The following GPM6A variants were observed in gnomAD, a reference collection of about 807,000 sequenced individuals.
GPM6A encodes the protein glycoprotein M6A, also known as neuronal membrane glycoprotein M6-a.
GPM6A carries 7 observed loss-of-function variants against 32.1 expected under a neutral mutation model. The ratio of observed to expected loss-of-function variants is 0.22; its 90% confidence interval spans 0.12 to 0.41. The LOEUF (loss-of-function observed/expected upper bound fraction) is 0.41, where lower values mean the gene tolerates loss of function less well. GPM6A is among the 10% of genes least tolerant of loss of function. GPM6A has a pLI of 1.00. For missense variants in GPM6A, 235 were observed against 347.2 expected (o/e 0.68, Z 2.57); for synonymous variants, 130 against 123.4 (o/e 1.05, Z -0.35).
At chr4:175,718,507 T>G (rs952389755) in intron 1 of GPM6A, among the ~76,000 whole-genome samples, 1 of 152,060 alleles carries the variant, frequency 6.6e-6, no homozygotes, top group Non-Finnish European at 1.5e-5. Flanking sequence ...TCTCAGCTAC[T>G]TGGGAGGCTG....
intron 1 of GPM6A, among the ~76,000 whole-genome samples, chr4:175,708,363 TTTTA>T (rs57574939): frequency 0.088 from 12,502 of 142,182 alleles, 803 homozygotes; most frequent in East Asian, 0.35. Context: ...AGAAGGTTTA[TTTTA>T]TTTATTTATT....
At chr4:175,905,362 G>A (rs538664596) in intron 1 of GPM6A, among the ~76,000 whole-genome samples, 164 of 152,060 alleles carry the variant, frequency 1.1e-3, no homozygotes, top group Non-Finnish European at 2.2e-3. Flanking sequence ...TTCTTAAAAG[G>A]TTCTAAGTTT....
chr4:175,886,892 CA>C (rs1361169279), intron 1 of GPM6A, among the ~76,000 whole-genome samples: 2 of 150,632 alleles, frequency 1.3e-5, no homozygotes, highest in Non-Finnish European at 3.0e-5. Context: ...GTGTGGAAAC[CA>C]AAAAAATGAA....
chr4:175,875,968 AAAAAT>A (rs1737072183), intron 1 of GPM6A, among the ~76,000 whole-genome samples: 1 of 152,234 alleles, frequency 6.6e-6, no homozygotes, highest in African/African-American at 2.4e-5. Flanking sequence ...AGAAACTGTA[AAAAAT>A]AAAATAAAAT....
At chr4:175,740,691 G>A (rs758071263) in intron 1 of GPM6A, among the ~76,000 whole-genome samples, 2 of 151,960 alleles carry the variant, frequency 1.3e-5, no homozygotes, top group Non-Finnish European at 2.9e-5. Context: ...AAATATTTTT[G>A]TTTCATTTTA....
intron 1 of GPM6A, among the ~76,000 whole-genome samples, chr4:175,839,935 T>A (rs549544719): frequency 3.3e-5 from 5 of 152,328 alleles, no homozygotes; most frequent in African/African-American, 9.6e-5. Context: ...GAATTTAAAA[T>A]TGAAAATTAT....
intron 2 of GPM6A, among the ~76,000 whole-genome samples, chr4:175,695,687 A>ACTT (rs1744539533): frequency 6.6e-6 from 1 of 152,240 alleles, no homozygotes; most frequent in African/African-American, 2.4e-5. Context: ...CTCAGATGAG[A>ACTT]CTTTGGACTT....
intron 1 of GPM6A, among the ~76,000 whole-genome samples, chr4:175,807,123 C>A (rs575287898): frequency 8.5e-5 from 13 of 152,206 alleles, no homozygotes; most frequent in African/African-American, 3.1e-4. Flanking sequence ...ATTAATAAAC[C>A]AGACACATTC....
intron 1 of GPM6A, among the ~76,000 whole-genome samples, chr4:175,838,118 C>G (rs868450727): frequency 2.0e-5 from 3 of 147,130 alleles, no homozygotes; most frequent in African/African-American, 5.0e-5. Flanking sequence ...CACAGACACA[C>G]ACACACACAC....
At chr4:175,685,427 T>A (rs1743924112) in intron 2 of GPM6A, among the ~76,000 whole-genome samples, 1 of 152,208 alleles carries the variant, frequency 6.6e-6, no homozygotes, top group South Asian at 2.1e-4. Flanking sequence ...CTTGTTAAGG[T>A]CCTTAATTTA....
chr4:175,930,636 CT>C (rs1318033583), intron 1 of GPM6A, among the ~76,000 whole-genome samples: 3 of 151,864 alleles, frequency 2.0e-5, no homozygotes, highest in Non-Finnish European at 4.4e-5. Flanking sequence ...ATTTTAATCC[CT>C]TTGAATTCTT....
intron 1 of GPM6A, among the ~76,000 whole-genome samples, chr4:175,817,643 G>C (rs536659744): frequency 1.6e-4 from 24 of 151,716 alleles, no homozygotes; most frequent in African/African-American, 5.8e-4. Flanking sequence ...AAATTAGATG[G>C]GAAAAAAGGG....
rs549835058 is a variant in GPM6A at position 175,927,985 on chromosome 4, CTTTAG to C, written c.-23+74319_-23+74323del. Among the ~76,000 whole-genome samples the C allele has an allele frequency of 3.3e-5, 5 of 152,074 alleles. No homozygotes were observed. In the South Asian group the frequency reaches 8.3e-4, roughly 25 times the overall value. On this transcript the variant is annotated intron_variant, in intron 1 of 7. Coordinates refer to the GPM6A transcript ENST00000280187. ...TCTAAATGTTAAAGACTCTTCTTGCCTTTAGTTTAACTGGTTTTGGAGTTAGAGGG... is the reference window on the plus strand; with the variant it reads ...TCTAAATGTTAAAGACTCTTCTTGCCTTTAACTGGTTTTGGAGTTAGAGGG...
At chr4:175,636,444 A>C (rs1023288989) in intron 6 of GPM6A, among the ~76,000 whole-genome samples, 1 of 151,424 alleles carries the variant, frequency 6.6e-6, no homozygotes, top group Non-Finnish European at 1.5e-5. Context: ...GTATTTTTCA[A>C]TCTTCAAAAA....
At chr4:175,644,121 G>GTTTT (rs781755092) in intron 4 of GPM6A, among the ~76,000 whole-genome samples, 161 of 110,342 alleles carry the variant, frequency 1.5e-3, no homozygotes, top group East Asian at 2.8e-3. Flanking sequence ...TTTTCCGTTT[G>GTTTT]TTTTTTTTTT....
intron 1 of GPM6A, among the ~76,000 whole-genome samples, chr4:175,726,738 T>C (rs1271675255): frequency 6.6e-6 from 1 of 152,094 alleles, no homozygotes; most frequent in Non-Finnish European, 1.5e-5. Context: ...GTTCATATCT[T>C]TAATCCCAGC....
At chr4:175,958,016 C>A (rs1027522222) in intron 1 of GPM6A, among the ~76,000 whole-genome samples, 1 of 152,182 alleles carries the variant, frequency 6.6e-6, no homozygotes, top group African/African-American at 2.4e-5. Context: ...CCTCAGCCTC[C>A]CGAGTAGCTG....
intron 6 of GPM6A, 136 bp downstream of exon 6, chr4:175,639,993 T>A: frequency 3.9e-6 from 3 of 762,962 alleles, no homozygotes; most frequent in Non-Finnish European, 7.1e-6. Context: ...CCCATTGTTT[T>A]CCCTACTTTT....
At chr4:175,756,934 GC>G (rs1732550460) in intron 1 of GPM6A, among the ~76,000 whole-genome samples, 2 of 152,052 alleles carry the variant, frequency 1.3e-5, no homozygotes, top group Admixed American at 1.3e-4. Flanking sequence ...AGAAAGAGGA[GC>G]TAGGTAATGA....
Sources: allele counts gnomAD v4.1 joint callset (sites outside exome capture counted in the v4.1 genomes callset), GRCh38; gene constraint gnomAD v4.1.1; transcripts MANE v1.5; gene names NCBI Gene and HGNC (gene_info 2026-07-23, HGNC 2026-07-21).